The following OPTN variants were observed in gnomAD, a reference collection of about 807,000 sequenced individuals.
OPTN encodes the protein optineurin, also known as E3-14.7K-interacting protein.
OPTN carries 54 observed loss-of-function variants against 70.4 expected under a neutral mutation model. That is an observed-to-expected ratio of 0.77 (90% CI 0.62 to 0.96). The LOEUF is 0.96. OPTN is among the 40% of genes least tolerant of loss of function. OPTN has a pLI of 0.00. For missense variants in OPTN, 624 were observed against 673.2 expected (o/e 0.93, Z 0.81); for synonymous variants, 256 against 248.5 (o/e 1.03, Z -0.28).
intron 13 of OPTN, 123 bp downstream of exon 13, chr10:13,132,320 C>T: frequency 1.0e-6 from 1 of 979,160 alleles, no homozygotes; most frequent in Non-Finnish European, 1.5e-6. Context: ...TGCACTCCTG[C>T]CTAGGTGACA....
chr10:13,121,009 G>C (rs536095969), intron 7 of OPTN, among the ~76,000 whole-genome samples: 1 of 152,274 alleles, frequency 6.6e-6, no homozygotes, highest in South Asian at 2.1e-4. Flanking sequence ...GATCTCATGA[G>C]AACTCACTCA....
chr10:13,131,996 C>A (rs1368689773), intron 12 of OPTN, 71 bp from the exon 13 acceptor site: 1 of 1,497,056 alleles, frequency 6.7e-7, no homozygotes, highest in African/African-American at 1.4e-5. Context: ...ACTACCTCCT[C>A]ATCGCATAAA....
At position 13,133,531 on chromosome 10, in the gene OPTN, A is replaced by G. The variant is rs141335685; in HGVS notation, c.1562A>G (p.His521Arg). Residue 521 changes from histidine (H) to arginine (R), a missense_variant, in exon 14 of 15, where the codon CAT becomes CGT. By Grantham distance (29) the His-to-Arg change is conservative. Transcript: ENST00000378747. ...RQSLMEMQSRHGARTSDSDQQ... is the reference protein window; with the variant it reads ...RQSLMEMQSRRGARTSDSDQQ... ...TCCTTGATGGAGATGCAGAGTCGTCATGGGGCGAGAACAAGTGACTCTGAC... is the reference window on the plus strand; with the variant it reads ...TCCTTGATGGAGATGCAGAGTCGTCGTGGGGCGAGAACAAGTGACTCTGAC... 1.4e-5 allele frequency: 22 copies of G among 1,614,018 alleles called. No individual in the cohort carries two copies. Among genetic ancestry groups the G allele is most frequent in the Non-Finnish European group, 1.9e-5 (22 of 1,180,024 alleles).
rs11592919 is a variant in OPTN at position 13,111,451 on chromosome 10, G to A, written c.369+975G>A. 4.6e-3 allele frequency among the ~76,000 whole-genome samples: 706 copies of A among 152,154 alleles called. 4 individuals carry two copies. The highest frequency in any genetic ancestry group is 7.3e-3 in the Non-Finnish European group (496 of 68,000). ...GGTGGCTCACACCTGTAATCCCAGC[G>A]CTTTGGGAGGCTAGGGTGGGCAGAT... On this transcript the variant is annotated intron_variant, in intron 4 of 14. Coordinates refer to ENST00000378747, the MANE Select transcript of OPTN (RefSeq NM_001008212.2).
intron 7 of OPTN, among the ~76,000 whole-genome samples, chr10:13,121,762 C>T (rs1306730020): frequency 6.6e-6 from 1 of 152,116 alleles, no homozygotes; most frequent in Non-Finnish European, 1.5e-5. Context: ...GCCAAATTTT[C>T]CTACTATTAT....
intron 5 of OPTN, 137 bp from the exon 6 acceptor site, chr10:13,116,130 C>T (rs1833202645): frequency 1.4e-6 from 1 of 707,368 alleles, no homozygotes; most frequent in East Asian, 2.7e-5. Flanking sequence ...CCCGTTTAAA[C>T]AGTGCACATC....
chr10:13,108,981 A>T, intron 2 of OPTN, 131 bp from the exon 3 acceptor site: 1 of 826,268 alleles, frequency 1.2e-6, no homozygotes, highest in Non-Finnish European at 2.1e-6. Context: ...AAAATGTCCA[A>T]AATGTAACTG....
At chr10:13,117,538 C>A (rs535545486) in intron 6 of OPTN, among the ~76,000 whole-genome samples, 1 of 150,846 alleles carries the variant, frequency 6.6e-6, no homozygotes, top group Non-Finnish European at 1.5e-5. Context: ...GTCTGCCTCC[C>A]GGGTACAAGC....
rs1833501252 is a variant in OPTN at position 13,127,834 on chromosome 10, G to A, written c.1332G>A (p.Met444Ile). The A allele has an allele frequency of 2.5e-6, 4 of 1,614,104 alleles. No individual in the cohort carries two copies. The highest frequency in any genetic ancestry group is 2.5e-6 in the Non-Finnish European group (3 of 1,180,018). Reference protein sequence around the residue: ...EKALASKQLQMDEMKQTIAKQ... With the variant: ...EKALASKQLQIDEMKQTIAKQ... The stretch of plus-strand genomic sequence containing the variant: ...CTCTGGCTTCCAAACAGCTGCAAAT[G>A]GATGAAATGAAGCAAACCATTGCCA... Residue 444 changes from methionine to isoleucine, a missense_variant, in exon 12 of 15, where the codon ATG becomes ATA. By Grantham distance (10) the Met-to-Ile change is conservative (BLOSUM62 1). Transcript: ENST00000378747.
chr10:13,115,468 A>AG lies in OPTN; in HGVS notation c.553-798dup, dbSNP rs1353780219. On this transcript the variant is annotated intron_variant, in intron 5 of 14. Transcript: ENST00000378747. Reference sequence around the variant, plus strand: ...TAATATATTCTATATTATATAATATAGAATATATATAATATATTCTATATT... The same window carrying AG: ...TAATATATTCTATATTATATAATATAGGAATATATATAATATATTCTATATT... Among the ~76,000 whole-genome samples, 80 of 100,158 alleles carry AG rather than the reference A, an allele frequency of 8.0e-4. 1 individual carries two copies. Among genetic ancestry groups the AG allele is most frequent in the African/African-American group, 2.8e-3 (53 of 18,902 alleles). 65.7% of individuals were successfully genotyped at this position (100,158 alleles called of 152,430 possible).
At chr10:13,134,719 C>T (rs960684763) in intron 14 of OPTN, among the ~76,000 whole-genome samples, 7 of 152,206 alleles carry the variant, frequency 4.6e-5, no homozygotes, top group East Asian at 3.9e-4. Context: ...TGAGCCACCA[C>T]GCCCGGCTAA....
At chr10:13,135,026 T>C (rs1263062485) in intron 14 of OPTN, among the ~76,000 whole-genome samples, 2 of 152,196 alleles carry the variant, frequency 1.3e-5, no homozygotes, top group Non-Finnish European at 2.9e-5. Flanking sequence ...TTATGATCAA[T>C]ACATACCTCT....
At chr10:13,118,757 C>G in intron 6 of OPTN, 131 bp from the exon 7 acceptor site, 1 of 810,494 alleles carries the variant, frequency 1.2e-6, no homozygotes, top group Admixed American at 1.9e-5. Context: ...TGCTTGTTCA[C>G]TAGTTGAGAA....
At position 13,132,027 on chromosome 10, in the gene OPTN, A is replaced by G. The variant is rs369825137; in HGVS notation, c.1402-40A>G. The stretch of plus-strand genomic sequence containing the variant: ...ATAAACACTGTAAGAATCTGCATTC[A>G]TCTAGGTACTAACTTCTGTATCTTT... On this transcript the variant is annotated intron_variant, in intron 12 of 14. Coordinates refer to ENST00000378747, the MANE Select transcript of OPTN (RefSeq NM_001008212.2). 4.4e-5 allele frequency: 70 copies of G among 1,600,352 alleles called. No homozygotes were observed. The African/African-American group carries it at 8.2e-4, about 19-fold the overall frequency.
At chr10:13,118,817 A>G in intron 6 of OPTN, 71 bp from the exon 7 acceptor site, 1 of 1,314,736 alleles carries the variant, frequency 7.6e-7, no homozygotes, top group Non-Finnish European at 1.1e-6. Flanking sequence ...GGTCCCAGTT[A>G]TATTGGGTTA....
chr10:13,120,746 T>C (rs1833330437), intron 7 of OPTN, among the ~76,000 whole-genome samples: 1 of 152,194 alleles, frequency 6.6e-6, no homozygotes, highest in South Asian at 2.1e-4. Context: ...TTGAGTACTA[T>C]AGCTTTGTAG....
At chr10:13,104,136 C>A (rs1225791909) in intron 1 of OPTN, among the ~76,000 whole-genome samples, 1 of 151,978 alleles carries the variant, frequency 6.6e-6, no homozygotes, top group Non-Finnish European at 1.5e-5. Context: ...GGCATTCCAC[C>A]GACAGATATT....
At chr10:13,126,253 C>G (rs961993048) in intron 11 of OPTN, among the ~76,000 whole-genome samples, 2 of 150,772 alleles carry the variant, frequency 1.3e-5, no homozygotes, top group African/African-American at 4.9e-5. Context: ...TGTGAATGTC[C>G]TATGGTCAGG....
intron 3 of OPTN, chr10:13,109,510 A>G: frequency 1.8e-6 from 1 of 551,414 alleles, no homozygotes; most frequent in South Asian, 2.0e-5. Flanking sequence ...AGGAAGTAGC[A>G]TAATGATATT....
Sources: gnomAD v4.1 joint callset for allele counts (sites outside exome capture counted in the v4.1 genomes callset) on GRCh38, gnomAD v4.1.1 for gene constraint, MANE v1.5 for transcripts, NCBI Gene and HGNC (gene_info 2026-07-23, HGNC 2026-07-21) for gene names.